DENND5B: variants seen among roughly 807,000 people sequenced by gnomAD.
DENND5B encodes DENN domain-containing protein 5B.
Under a neutral mutation model 140.6 loss-of-function variants are expected in DENND5B, and 34 were observed. The ratio of observed to expected loss-of-function variants is 0.24; its 90% CI spans 0.18 to 0.32. The LOEUF is 0.32. Ranked by LOEUF, DENND5B falls within the 10% of genes least tolerant of loss-of-function variation. The pLI is 1.00. For missense variants in DENND5B, 1,142 were observed against 1,560.2 expected (o/e 0.73, Z 4.52); for synonymous variants, 551 against 562.1 (o/e 0.98, Z 0.28).
chr12:31,489,409 G>GA (rs1420345838), intron 2 of DENND5B, among the ~76,000 whole-genome samples: 2 of 152,050 alleles, frequency 1.3e-5, no homozygotes, highest in Non-Finnish European at 2.9e-5. Flanking sequence ...AGTCTAGTAG[G>GA]AAAGACAGAC....
At position 31,470,122 on chromosome 12, in the gene DENND5B, TTTTTTTC is replaced by T. The variant is rs869169716; in HGVS notation, c.904+9460_904+9466del. 1.5e-3 allele frequency among the ~76,000 whole-genome samples: 213 copies of T among 144,646 alleles called. 3 individuals are homozygous for T. The highest frequency in any genetic ancestry group is 5.3e-3 in the African/African-American group (195 of 37,120). 94.9% of individuals were successfully genotyped at this position (144,646 alleles called of 152,430 possible). ...ACTACCATGTCTGGCTTTTTTTTTT[TTTTTTTC>T]TTTGGAGATGGAGTTTCCCTTGTTA... On this transcript the variant is annotated intron_variant, in intron 3 of 20. Transcript: ENST00000389082.
At chr12:31,508,571 G>A (rs973155359) in intron 1 of DENND5B, among the ~76,000 whole-genome samples, 3 of 152,144 alleles carry the variant, frequency 2.0e-5, no homozygotes, top group African/African-American at 7.2e-5. Flanking sequence ...CACTGGGAAA[G>A]AGAATCTTCC....
chr12:31,459,134 C>T (rs906841662), intron 4 of DENND5B, among the ~76,000 whole-genome samples: 14 of 152,002 alleles, frequency 9.2e-5, no homozygotes, highest in African/African-American at 3.4e-4. Context: ...ATCACTTAAA[C>T]CCAGGAGGCG....
intron 1 of DENND5B, among the ~76,000 whole-genome samples, chr12:31,566,303 C>A (rs915885196): frequency 1.0e-4 from 15 of 150,240 alleles, no homozygotes; most frequent in African/African-American, 3.4e-4. Flanking sequence ...TGCATTCCGG[C>A]CAGGGAAACA....
chr12:31,453,007 C>G (rs1944610019), intron 4 of DENND5B, among the ~76,000 whole-genome samples: 1 of 152,192 alleles, frequency 6.6e-6, no homozygotes, highest in Non-Finnish European at 1.5e-5. Flanking sequence ...CTCCACTGCT[C>G]TAACATCTGT....
chr12:31,580,339 C>T (rs1360739536), intron 1 of DENND5B, among the ~76,000 whole-genome samples: 1 of 152,136 alleles, frequency 6.6e-6, no homozygotes, highest in Non-Finnish European at 1.5e-5. Flanking sequence ...TAGGCTAATA[C>T]ATTTTATAGT....
At chr12:31,479,325 A>C (rs543694406) in intron 3 of DENND5B, among the ~76,000 whole-genome samples, 32 of 152,334 alleles carry the variant, frequency 2.1e-4, no homozygotes, top group African/African-American at 6.7e-4. Context: ...AAAAAGGGCT[A>C]TTTCCATTAA....
In DENND5B at chr12:31,525,095, G is replaced by T. The variant is rs76222701; in HGVS notation, c.128-29176C>A. ...ACAGACATTAACACATGTTGGCTTA[G>T]ATGTAAAGAAATTGGAACCCTCATC... is the stretch of plus-strand genomic sequence containing the variant. On this transcript the variant is annotated intron_variant, in intron 1 of 20. Transcript: ENST00000389082. 1.1e-3 allele frequency among the ~76,000 whole-genome samples: 163 copies of T among 152,328 alleles called. 2 individuals are homozygous for T. In the East Asian group the frequency reaches 0.021, roughly 19 times the overall value.
intron 1 of DENND5B, among the ~76,000 whole-genome samples, chr12:31,553,025 A>T (rs1051627633): frequency 7.2e-5 from 11 of 152,222 alleles, no homozygotes; most frequent in African/African-American, 2.6e-4. Context: ...TCCTGGATTC[A>T]TTAATTTTTT....
chr12:31,519,027 A>G (rs189207951), intron 1 of DENND5B, among the ~76,000 whole-genome samples: 27 of 152,310 alleles, frequency 1.8e-4, no homozygotes, highest in African/African-American at 6.3e-4. Flanking sequence ...GCTATGTAAA[A>G]ATCTATGGGA....
Position 31,451,956 on chromosome 12 carries a change from A to G in DENND5B, c.1613T>C (p.Met538Thr). The change falls in exon 5 of 21, where the codon ATG becomes ACG. Residue 538 changes from methionine (M) to threonine (T), a missense_variant. Physicochemically the swap from Met to Thr is moderately conservative, Grantham distance 81. Coordinates refer to ENST00000389082, the MANE Select transcript of DENND5B (RefSeq NM_144973.4). Reference sequence around the variant, plus strand: ...TCTTTTTACTTTGTCAAAGTTCTGCATCTGTTCCCGGTTGGTCAGCCAGGA... The same window carrying G: ...TCTTTTTACTTTGTCAAAGTTCTGCGTCTGTTCCCGGTTGGTCAGCCAGGA... ...MESWLTNREQ[M>T]QNFDKASFLS... The G allele has an allele frequency of 6.2e-7, 1 of 1,613,570 alleles. No homozygotes were observed. Among genetic ancestry groups the G allele is most frequent in the Non-Finnish European group, 8.5e-7 (1 of 1,179,804 alleles).
At chr12:31,404,665 G>A (rs956934629) in intron 14 of DENND5B, among the ~76,000 whole-genome samples, 1 of 151,646 alleles carries the variant, frequency 6.6e-6, no homozygotes, top group Non-Finnish European at 1.5e-5. Flanking sequence ...TATTGGCCAG[G>A]CTGGTCTCGA....
intron 11 of DENND5B, among the ~76,000 whole-genome samples, chr12:31,421,709 C>A (rs1175389720): frequency 6.6e-6 from 1 of 151,990 alleles, no homozygotes; most frequent in East Asian, 1.9e-4. Context: ...ACCACCATGC[C>A]CGGCTAATTT....
In DENND5B at chr12:31,452,280, T is replaced by C. The variant is rs781643272; in HGVS notation, c.1289A>G (p.Asn430Ser). 9.3e-6 allele frequency: 15 copies of C among 1,613,902 alleles called. No homozygotes were observed. The highest frequency in any genetic ancestry group is 2.7e-5 in the African/African-American group (2 of 74,926). Residue 430 changes from asparagine (N) to serine (S), a missense_variant, in exon 5 of 21, where the codon AAT (asparagine) becomes AGT (serine). Physicochemically the swap from Asn to Ser is conservative, Grantham distance 46. Around this residue, in one of 5 missense-constraint regions of DENND5B, gnomAD observed 708 missense variants for 905.5 expected, o/e 0.78. Transcript: ENST00000389082. ...LKNMVLKDLV[N>S]DKKNGNVCTN... ...ACAGACATTGCCGTTCTTTTTGTCA[T>C]TGACCAAGTCTTTCAGAACCATATT...
rs3205175 is a variant in DENND5B at position 31,451,994 on chromosome 12, G to C, written c.1575C>G (p.Ala525=). 0.12 allele frequency: 196,456 copies of C among 1,613,332 alleles called. 13,425 individuals are homozygous for C. Among genetic ancestry groups the C allele is most frequent in the East Asian group, 0.26 (11,476 of 44,870 alleles). ...TGGTCAGCCAGGATTCCATGTCCTG[G>C]GCAGTCTGAATGACAAATGCTTCGT... The part of the protein sequence containing the change: ...ADYEAFVIQT[A]QDMESWLTNR... The change falls in exon 5 of 21, where the codon GCC becomes GCG. Residue 525 remains alanine, a synonymous_variant. Coordinates refer to ENST00000389082, the MANE Select transcript of DENND5B (RefSeq NM_144973.4).
intron 11 of DENND5B, among the ~76,000 whole-genome samples, 177 bp from the exon 12 acceptor site, chr12:31,415,625 G>A (rs1174742253): frequency 6.6e-6 from 1 of 152,144 alleles, no homozygotes; most frequent in Non-Finnish European, 1.5e-5. Context: ...CACTGAGCTT[G>A]GAGTGCAGTT....
intron 1 of DENND5B, among the ~76,000 whole-genome samples, chr12:31,547,075 G>A (rs1310637291): frequency 6.6e-6 from 1 of 152,122 alleles, no homozygotes; most frequent in Admixed American, 6.5e-5. Context: ...TTTCTCTGAG[G>A]TCACTGCCAT....
At chr12:31,584,461 T>C (rs1269659585) in intron 1 of DENND5B, among the ~76,000 whole-genome samples, 1 of 152,212 alleles carries the variant, frequency 6.6e-6, no homozygotes, top group African/African-American at 2.4e-5. Context: ...TATACCACAG[T>C]GTCTTAGTCT....
At chr12:31,389,572 T>G in intron 19 of DENND5B, 74 bp from the exon 20 acceptor site, 1 of 1,406,414 alleles carries the variant, frequency 7.1e-7, no homozygotes, top group Non-Finnish European at 9.6e-7. Context: ...TCACTTAATT[T>G]ATTATGGAAA....
Sources: gnomAD v4.1 joint callset for allele counts (sites outside exome capture counted in the v4.1 genomes callset) on GRCh38, gnomAD v4.1.1 for gene constraint, gnomAD v4.1.1 regional missense constraint, MANE v1.5 for transcripts, NCBI Gene and HGNC (gene_info 2026-07-23, HGNC 2026-07-21) for gene names.